The following RBFOX1 variants were observed in gnomAD, a reference collection of about 807,000 sequenced individuals.
RBFOX1 encodes the protein RNA binding protein fox-1 homolog 1.
A neutral mutation model predicts 57.7 loss-of-function variants in RBFOX1; 8 were observed. That is an observed-to-expected ratio of 0.14 (90% confidence interval 0.08 to 0.25). The LOEUF is 0.25. RBFOX1 is among the 10% of genes least tolerant of loss of function. RBFOX1 has a pLI of 1.00. For synonymous variants in RBFOX1, 326 were observed against 222.4 expected (o/e 1.47, Z -4.15); for missense variants, 611 against 548.5 (o/e 1.11, Z -1.14).
chr16:6,639,531 TATGATAAAA>T (rs1283521433), intron 2 of RBFOX1, among the ~76,000 whole-genome samples: 2 of 152,158 alleles, frequency 1.3e-5, no homozygotes, highest in African/African-American at 4.8e-5. Flanking sequence ...GAACAATAAC[TATGATAAAA>T]TTATACAAAT....
intron 4 of RBFOX1, among the ~76,000 whole-genome samples, chr16:7,120,344 TA>T (rs1259755390): frequency 9.7e-5 from 6 of 61,758 alleles, no homozygotes; most frequent in East Asian, 8.0e-4. Flanking sequence ...AATGTAAGAT[TA>T]AAAAAATGAA....
chr16:6,222,677 C>A (rs975695433), intron 1 of RBFOX1, among the ~76,000 whole-genome samples: 1 of 120,236 alleles, frequency 8.3e-6, no homozygotes, highest in Non-Finnish European at 1.7e-5. Context: ...TAAGAATTTT[C>A]TTTTCTTTTA....
chr16:6,169,330 A>G (rs956757755), intron 1 of RBFOX1, among the ~76,000 whole-genome samples: 10 of 152,188 alleles, frequency 6.6e-5, no homozygotes, highest in African/African-American at 2.4e-4. Flanking sequence ...CGTTGGGGAA[A>G]GACGAGAAGG....
intron 2 of RBFOX1, among the ~76,000 whole-genome samples, chr16:6,573,463 C>G (rs544509500): frequency 3.9e-5 from 6 of 152,318 alleles, no homozygotes; most frequent in African/African-American, 1.4e-4. Flanking sequence ...AGATCATAAT[C>G]AGGGAGCCTG....
At chr16:5,336,465 C>G (rs1229357423) in intron 1 of RBFOX1, among the ~76,000 whole-genome samples, 1 of 152,138 alleles carries the variant, frequency 6.6e-6, no homozygotes, top group Non-Finnish European at 1.5e-5. Context: ...TGAATGAGAT[C>G]ATGCATGGGG....
intron 3 of RBFOX1, among the ~76,000 whole-genome samples, chr16:5,751,346 T>A (rs2053193799): frequency 6.9e-6 from 1 of 145,250 alleles, no homozygotes; most frequent in South Asian, 2.3e-4. Context: ...GTGCATCCCT[T>A]ATCTTTCTTT....
At chr16:7,426,790 CA>C (rs1471773193) in intron 4 of RBFOX1, among the ~76,000 whole-genome samples, 1 of 152,134 alleles carries the variant, frequency 6.6e-6, no homozygotes, top group Non-Finnish European at 1.5e-5. Flanking sequence ...ACTACACCTA[CA>C]GGGGTGTAAG....
At chr16:6,679,006 G>C (rs911106815) in intron 3 of RBFOX1, among the ~76,000 whole-genome samples, 1 of 152,068 alleles carries the variant, frequency 6.6e-6, no homozygotes, top group African/African-American at 2.4e-5. Context: ...CATTCTTTCA[G>C]ATGTCAAAGA....
chr16:5,880,874 T>C (rs574471896), intron 4 of RBFOX1, among the ~76,000 whole-genome samples: 2 of 152,372 alleles, frequency 1.3e-5, no homozygotes, highest in East Asian at 3.9e-4. Flanking sequence ...CTTTGCTTTC[T>C]TTGTTAACAC....
chr16:7,042,119 C>G (rs1272644839), intron 3 of RBFOX1, among the ~76,000 whole-genome samples: 2 of 152,246 alleles, frequency 1.3e-5, no homozygotes, highest in Non-Finnish European at 2.9e-5. Flanking sequence ...TGGTTCTTAC[C>G]TCAATAAGCC....
chr16:5,861,819 C>A (rs886068256), intron 3 of RBFOX1, among the ~76,000 whole-genome samples: 1 of 152,100 alleles, frequency 6.6e-6, no homozygotes, highest in Non-Finnish European at 1.5e-5. Context: ...TCTTCTTAGA[C>A]GCAATGGCAG....
chr16:7,684,902 C>T (rs533323838), intron 14 of RBFOX1, among the ~76,000 whole-genome samples: 1 of 152,078 alleles, frequency 6.6e-6, no homozygotes, highest in Admixed American at 6.6e-5. Flanking sequence ...TTGTTTTCTT[C>T]CATTTCTGTC....
chr16:6,484,832 G>T (rs1279428666), intron 2 of RBFOX1, among the ~76,000 whole-genome samples: 2 of 152,208 alleles, frequency 1.3e-5, no homozygotes, highest in African/African-American at 4.8e-5. Flanking sequence ...TCTTCACGTA[G>T]AAGAATTTAC....
At chr16:6,419,403 A>G (rs1413305483) in intron 2 of RBFOX1, among the ~76,000 whole-genome samples, 1 of 152,124 alleles carries the variant, frequency 6.6e-6, no homozygotes, top group Non-Finnish European at 1.5e-5. Context: ...TTGATTCATC[A>G]CTCACGTGTG....
At chr16:5,973,893 G>T (rs2060011309) in intron 4 of RBFOX1, among the ~76,000 whole-genome samples, 3 of 152,162 alleles carry the variant, frequency 2.0e-5, no homozygotes, top group African/African-American at 7.2e-5. Flanking sequence ...TCACTTCGTA[G>T]GGCTCAGAAA....
downstream of RBFOX1, among the ~76,000 whole-genome samples, chr16:5,601,974 C>A (rs1394212772): frequency 2.0e-5 from 3 of 152,190 alleles, no homozygotes; most frequent in Non-Finnish European, 4.4e-5. Flanking sequence ...ATGATGGTAT[C>A]CTGCTGGTTT....
chr16:6,191,866 G>A (rs150965706), intron 1 of RBFOX1, among the ~76,000 whole-genome samples: 2,294 of 152,254 alleles, frequency 0.015, 62 homozygotes, highest in African/African-American at 0.045. Flanking sequence ...CAGAAACCTC[G>A]TGATTTGAAG....
chr16:6,626,170 G>A (rs1462148305), intron 2 of RBFOX1, among the ~76,000 whole-genome samples: 2 of 146,250 alleles, frequency 1.4e-5, no homozygotes, highest in Admixed American at 6.9e-5. Flanking sequence ...AAATTGCATA[G>A]TTGGTTCTGT....
At chr16:7,411,249 G>C (rs199803637) in intron 4 of RBFOX1, among the ~76,000 whole-genome samples, 1 of 149,442 alleles carries the variant, frequency 6.7e-6, no homozygotes, top group Non-Finnish European at 1.5e-5. Context: ...AATCAACTTT[G>C]AATTCTAAGA....
Sources: allele counts gnomAD v4.1 joint callset (sites outside exome capture counted in the v4.1 genomes callset), GRCh38; gene constraint gnomAD v4.1.1; transcripts MANE v1.5; gene names NCBI Gene and HGNC (gene_info 2026-07-23, HGNC 2026-07-21).